Variants in ANKRD6 observed in about 807,000 individuals in gnomAD.
ANKRD6 encodes ankyrin repeat domain-containing protein 6.
In ANKRD6, 56 loss-of-function variants were observed where a neutral mutation model predicts 82.3. The ratio of observed to expected loss-of-function variants is 0.68; its 90% CI spans 0.55 to 0.85. The LOEUF is 0.85. Among genes scored for constraint, ANKRD6 ranks in the 40% least tolerant of loss-of-function variants. The pLI is 0.00. For synonymous variants in ANKRD6, 347 were observed against 352.1 expected (o/e 0.99, Z 0.16); for missense variants, 852 against 907.6 (o/e 0.94, Z 0.79).
chr6:89,483,559 G>GT (rs745618902), intron 1 of ANKRD6: 1 of 152,228 alleles, frequency 6.6e-6, no homozygotes, highest in East Asian at 1.9e-4. Flanking sequence ...GGAAGTCCCC[G>GT]TAAGTATTCA....
rs113968693 is a variant in ANKRD6, at chr6:89,531,229, C to T, written c.-143-35605C>T. Among the ~76,000 whole-genome samples, 573 of 152,350 alleles carry T rather than the reference C, an allele frequency of 3.8e-3. 5 individuals carry two copies. The highest frequency in any genetic ancestry group is 3.7e-3 in the Non-Finnish European group (250 of 68,038). ...GCGGATCTGTTCTTTCTCTTAGCTC[C>T]TGTTTTCACAGTTATGTCGCTGTTA... is the stretch of plus-strand genomic sequence containing the variant. On this transcript the variant is annotated intron_variant, in intron 1 of 15. Coordinates refer to ENST00000339746, the MANE Select transcript of ANKRD6 (RefSeq NM_001242809.2).
intron 14 of ANKRD6, among the ~76,000 whole-genome samples, chr6:89,628,517 C>T (rs140083364): frequency 3.3e-4 from 51 of 152,300 alleles, no homozygotes; most frequent in African/African-American, 1.2e-3. Context: ...CGCCTGTAAT[C>T]CCAGCACTTT....
chr6:89,553,413 A>G (rs1285086048), intron 1 of ANKRD6, among the ~76,000 whole-genome samples: 1 of 152,216 alleles, frequency 6.6e-6, no homozygotes, highest in Non-Finnish European at 1.5e-5. Context: ...GGGATAGCGT[A>G]GAAGAAATAC....
At chr6:89,543,789 T>C (rs1455708023) in intron 1 of ANKRD6, among the ~76,000 whole-genome samples, 1 of 152,214 alleles carries the variant, frequency 6.6e-6, no homozygotes, top group Non-Finnish European at 1.5e-5. Context: ...AACACACGTG[T>C]CAGTTTCTGT....
chr6:89,554,790 A>G (rs1583251510), intron 1 of ANKRD6, among the ~76,000 whole-genome samples: 1 of 152,170 alleles, frequency 6.6e-6, no homozygotes, highest in African/African-American at 2.4e-5. Context: ...ACCTGAGAGA[A>G]TTTCAGTCTC....
At position 89,621,972 on chromosome 6, in the gene ANKRD6, C is replaced by T; in HGVS notation, c.843C>T (p.Leu281=). ...GCCTGAGGAAAAAGAGAGAGAGGCTCAAGGAAGAGAGGAGAGCCCAGTCTG... is the reference window on the plus strand; with the variant it reads ...GCCTGAGGAAAAAGAGAGAGAGGCTTAAGGAAGAGAGGAGAGCCCAGTCTG... The part of the protein sequence containing the change: ...GRSLRKKRER[L]KEERRAQSVP... Residue 281 remains leucine, a synonymous_variant, in exon 10 of 16, where the codon CTC becomes CTT. Coordinates refer to ENST00000339746, the MANE Select transcript of ANKRD6 (RefSeq NM_001242809.2). 6.2e-7 allele frequency: 1 copy of T among 1,613,438 alleles called. No individual in the cohort carries two copies. The highest frequency in any genetic ancestry group is 8.5e-7 in the Non-Finnish European group (1 of 1,179,904).
chr6:89,572,315 G>T (rs1365265308), intron 2 of ANKRD6, among the ~76,000 whole-genome samples: 1 of 152,148 alleles, frequency 6.6e-6, no homozygotes, highest in Non-Finnish European at 1.5e-5. Context: ...TGGATCACAT[G>T]GTAAGAATGT....
At chr6:89,625,090 C>G (rs1805147885) in intron 13 of ANKRD6, among the ~76,000 whole-genome samples, 1 of 152,102 alleles carries the variant, frequency 6.6e-6, no homozygotes, top group South Asian at 2.1e-4. Flanking sequence ...CGAGACCAGC[C>G]TGGCCAACAT....
intron 1 of ANKRD6, among the ~76,000 whole-genome samples, chr6:89,448,052 C>T (rs1445863051): frequency 2.6e-5 from 4 of 151,996 alleles, no homozygotes; most frequent in Middle Eastern, 3.2e-3. Context: ...AAGAATAGGC[C>T]GACTCTGGTT....
In ANKRD6 at chr6:89,567,072, G is replaced by C. The variant is rs1240918073; in HGVS notation, c.96G>C (p.Lys32Asn). 6.2e-6 allele frequency: 10 copies of C among 1,603,352 alleles called. No homozygotes were observed. The highest frequency in any genetic ancestry group is 1.3e-5 in the African/African-American group (1 of 74,810). Residue 32 changes from lysine (K) to asparagine (N), a missense_variant, in exon 2 of 16, where the codon AAG (lysine) becomes AAC (asparagine). Physicochemically the swap from Lys to Asn is moderately conservative, Grantham distance 94. Coordinates refer to ENST00000339746, the MANE Select transcript of ANKRD6 (RefSeq NM_001242809.2). ...QTENVVQLIN[K>N]GARVAVTKHG... ...AGAATGTGGTTCAGCTCATCAACAA[G>C]GGCGCCAGGGTAGCGGTTACCAAGG...
At chr6:89,618,152 G>A in intron 9 of ANKRD6, 121 bp downstream of exon 9, 1 of 1,157,578 alleles carries the variant, frequency 8.6e-7, no homozygotes, top group Middle Eastern at 1.9e-4. Context: ...TAACCAGGCA[G>A]TGGAGGTATA....
At chr6:89,524,630 T>G (rs1782247974) in intron 1 of ANKRD6, among the ~76,000 whole-genome samples, 2 of 152,216 alleles carry the variant, frequency 1.3e-5, no homozygotes, top group South Asian at 4.1e-4. Flanking sequence ...ACATGTTGAT[T>G]GATGGGCATT....
intron 1 of ANKRD6, among the ~76,000 whole-genome samples, chr6:89,463,060 A>G (rs1004142377): frequency 6.6e-6 from 1 of 151,832 alleles, no homozygotes; most frequent in Non-Finnish European, 1.5e-5. Flanking sequence ...AAAACAAAAA[A>G]TCCTACTATG....
chr6:89,594,796 G>T (rs1795550883), intron 2 of ANKRD6, among the ~76,000 whole-genome samples: 1 of 152,066 alleles, frequency 6.6e-6, no homozygotes, highest in South Asian at 2.1e-4. Context: ...AGGCTGAAGT[G>T]CAGTGGTACA....
intron 4 of ANKRD6, 40 bp downstream of exon 4, chr6:89,603,167 G>C (rs748786787): frequency 3.9e-6 from 6 of 1,557,246 alleles, no homozygotes; most frequent in Non-Finnish European, 5.2e-6. Context: ...CAAGGCAAGG[G>C]AAGCCAGTGG....
intron 1 of ANKRD6, among the ~76,000 whole-genome samples, chr6:89,454,479 G>A (rs1235690692): frequency 1.3e-5 from 2 of 152,186 alleles, no homozygotes; most frequent in African/African-American, 2.4e-5. Context: ...TAACAGATGA[G>A]GAGTGACCAA....
chr6:89,606,362 C>T (rs75183617), intron 5 of ANKRD6, among the ~76,000 whole-genome samples: 1 of 152,330 alleles, frequency 6.6e-6, no homozygotes, highest in Non-Finnish European at 1.5e-5. Context: ...TGGGAATCTA[C>T]ATGCGATTAC....
intron 2 of ANKRD6, among the ~76,000 whole-genome samples, chr6:89,578,238 T>C (rs903018477): frequency 6.6e-6 from 1 of 151,256 alleles, no homozygotes; most frequent in East Asian, 1.9e-4. Flanking sequence ...ACTGTTAACA[T>C]TGGCTGCCTA....
intron 5 of ANKRD6, among the ~76,000 whole-genome samples, chr6:89,606,610 C>G (rs1798682555): frequency 6.6e-6 from 1 of 152,078 alleles, no homozygotes; most frequent in Non-Finnish European, 1.5e-5. Flanking sequence ...AATCACAGCA[C>G]TTTGGGTGGC....
Sources: allele counts gnomAD v4.1 joint callset (sites outside exome capture counted in the v4.1 genomes callset), GRCh38; gene constraint gnomAD v4.1.1; transcripts MANE v1.5; gene names NCBI Gene and HGNC (gene_info 2026-07-23, HGNC 2026-07-21).